The following EYA1 variants were observed in gnomAD, a reference collection of about 807,000 sequenced individuals.
The protein encoded by EYA1 is EYA transcriptional coactivator and phosphatase 1.
EYA1 carries 16 observed loss-of-function variants against 82.0 expected under a neutral mutation model. The ratio of observed to expected loss-of-function variants is 0.20; its 90% confidence interval spans 0.13 to 0.30. EYA1 has a LOEUF of 0.30. Ranked by LOEUF, EYA1 falls within the 10% of genes least tolerant of loss-of-function variation. The probability of loss-of-function intolerance (pLI) is 1.00; values close to 1 mark genes in which losing one functional copy is unlikely to be tolerated. For missense variants in EYA1, 633 were observed against 730.7 expected (o/e 0.87, Z 1.54); for synonymous variants, 261 against 264.4 (o/e 0.99, Z 0.12).
intron 2 of EYA1, among the ~76,000 whole-genome samples, chr8:71,378,750 C>G (rs73684763): frequency 6.6e-6 from 1 of 151,980 alleles, no homozygotes; most frequent in African/African-American, 2.4e-5. Flanking sequence ...TTAGGATATT[C>G]GAAACCTTTA....
intron 2 of EYA1, among the ~76,000 whole-genome samples, chr8:71,491,175 T>C (rs952182599): frequency 6.6e-6 from 1 of 152,220 alleles, no homozygotes; most frequent in East Asian, 1.9e-4. Flanking sequence ...ATGGCAGCCA[T>C]AGGGCTCGAA....
chr8:71,365,724 T>A (rs1827714586), upstream of EYA1, among the ~76,000 whole-genome samples: 1 of 152,182 alleles, frequency 6.6e-6, no homozygotes, highest in African/African-American at 2.4e-5. Flanking sequence ...CTATGATCCT[T>A]GTTGGCATTC....
At chr8:71,434,336 T>C (rs1271962574) in intron 2 of EYA1, among the ~76,000 whole-genome samples, 4 of 152,274 alleles carry the variant, frequency 2.6e-5, no homozygotes, top group East Asian at 1.9e-4. Context: ...ATATTCTTAA[T>C]TGATAGAATA....
chr8:71,431,481 AGTCCCT>A, intron 2 of EYA1, among the ~76,000 whole-genome samples: 1 of 152,316 alleles, frequency 6.6e-6, no homozygotes. Flanking sequence ...TACTCTGCCT[AGTCCCT>A]GATACCCTCC....
chr8:71,408,194 G>T (rs1292797864), intron 2 of EYA1, among the ~76,000 whole-genome samples: 1 of 151,810 alleles, frequency 6.6e-6, no homozygotes, highest in African/African-American at 2.4e-5. Flanking sequence ...TCACCACTAG[G>T]CCTGCCCTAA....
chr8:71,523,608 G>A (rs1305351279), intron 2 of EYA1, among the ~76,000 whole-genome samples: 10 of 152,168 alleles, frequency 6.6e-5, no homozygotes, highest in African/African-American at 2.2e-4. Flanking sequence ...TCAAAGTAAT[G>A]AGAAGTTCAC....
chr8:71,348,112 G>A (rs1426939270), intron 3 of EYA1, among the ~76,000 whole-genome samples: 7 of 152,114 alleles, frequency 4.6e-5, no homozygotes, highest in African/African-American at 7.2e-5. Flanking sequence ...TGGAAAATTT[G>A]TAACATGTAT....
chr8:71,334,216 T>A (rs1163542034), intron 3 of EYA1, 42 bp from the exon 4 acceptor site: 5 of 1,376,412 alleles, frequency 3.6e-6, no homozygotes, highest in Non-Finnish European at 4.2e-6. Flanking sequence ...AATTAATAGT[T>A]ATTTGTAAAG....
intron 2 of EYA1, among the ~76,000 whole-genome samples, chr8:71,480,064 A>T (rs7008440): frequency 2.6e-5 from 4 of 151,910 alleles, no homozygotes; most frequent in Admixed American, 2.6e-4. Flanking sequence ...ATCTTGTTCT[A>T]ATTTCTTTCA....
chr8:71,470,947 GA>G, intron 2 of EYA1: 1 of 437,996 alleles, frequency 2.3e-6, no homozygotes, highest in Non-Finnish European at 4.5e-6. Context: ...AAAAAAAAAG[GA>G]AAAAGGGGAG....
At chr8:71,468,910 G>A (rs1046524403) in intron 2 of EYA1, among the ~76,000 whole-genome samples, 34 of 151,986 alleles carry the variant, frequency 2.2e-4, no homozygotes, top group Admixed American at 2.0e-3. Flanking sequence ...GAGGCATTAC[G>A]TCTTATTTTT....
chr8:71,503,137 T>A (rs1429813434), intron 2 of EYA1, among the ~76,000 whole-genome samples: 2 of 152,066 alleles, frequency 1.3e-5, no homozygotes, highest in Admixed American at 1.3e-4. Flanking sequence ...CAGGGGCCTT[T>A]CACTAAATAC....
intron 3 of EYA1, among the ~76,000 whole-genome samples, chr8:71,346,766 A>G (rs1825786726): frequency 6.6e-6 from 1 of 152,180 alleles, no homozygotes; most frequent in Non-Finnish European, 1.5e-5. Flanking sequence ...TAGCAACTAT[A>G]TGAACTGTCT....
At chr8:71,534,826 C>G (rs934636846) in intron 2 of EYA1, among the ~76,000 whole-genome samples, 1 of 149,350 alleles carries the variant, frequency 6.7e-6, no homozygotes, top group Non-Finnish European at 1.5e-5. Context: ...TGCACATATA[C>G]TTATGTAACC....
chr8:71,471,866 C>A (rs1809236404), intron 2 of EYA1, among the ~76,000 whole-genome samples: 1 of 151,970 alleles, frequency 6.6e-6, no homozygotes. Flanking sequence ...TCCTGCAAAC[C>A]CCTTTTATAG....
At chr8:71,325,935 T>C (rs768810692) in intron 4 of EYA1, among the ~76,000 whole-genome samples, 1 of 152,198 alleles carries the variant, frequency 6.6e-6, no homozygotes, top group Non-Finnish European at 1.5e-5. Flanking sequence ...GGAATTCAGA[T>C]TAATTTTAAT....
intron 2 of EYA1, among the ~76,000 whole-genome samples, chr8:71,471,371 T>C (rs1311339207): frequency 6.6e-6 from 1 of 152,072 alleles, no homozygotes; most frequent in East Asian, 1.9e-4. Flanking sequence ...ATGATTGTTA[T>C]ATATTGATAT....
chr8:71,221,882 C>T (rs1056682268), intron 12 of EYA1, among the ~76,000 whole-genome samples: 10 of 152,248 alleles, frequency 6.6e-5, no homozygotes, highest in South Asian at 4.1e-4. Context: ...GATAGACATG[C>T]GTGCAGCTTC....
rs1822823854 is a variant in EYA1, at chr8:71,323,590, A to G, written c.203-1322T>C. ...GATCTAGATTAGTACCACTCTTGCA[A>G]GCTCCCAGACTTCAAACATCTGGCT... is the stretch of plus-strand genomic sequence containing the variant. On this transcript the variant is annotated intron_variant, in intron 4 of 17. Transcript: ENST00000340726. Among the ~76,000 whole-genome samples the G allele has an allele frequency of 2.0e-5, 3 of 152,194 alleles. No homozygotes were observed. In the South Asian group the frequency reaches 6.2e-4, roughly 32 times the overall value.
Sources: gnomAD v4.1 joint callset for allele counts (sites outside exome capture counted in the v4.1 genomes callset) on GRCh38, gnomAD v4.1.1 for gene constraint, MANE v1.5 for transcripts, NCBI Gene and HGNC (gene_info 2026-07-23, HGNC 2026-07-21) for gene names.